The following S100Z variants were observed in gnomAD, a reference collection of about 807,000 sequenced individuals.
S100Z encodes the protein S100 calcium binding protein Z.
S100Z carries 11 observed loss-of-function variants against 8.5 expected under a neutral mutation model. That is an observed-to-expected ratio of 1.30 (90% CI 0.82 to 2.15). The LOEUF is 2.15. Among genes scored for constraint, S100Z ranks in the 30% most tolerant of loss-of-function variants. The pLI is 0.00. For missense variants in S100Z, 126 were observed against 117.9 expected (o/e 1.07, Z -0.32); for synonymous variants, 34 against 43.8 (o/e 0.78, Z 0.89).
the S100Z span, among the ~76,000 whole-genome samples, chr5:76,944,749 C>T: frequency 6.6e-6 from 1 of 152,186 alleles, no homozygotes; most frequent in Non-Finnish European, 1.5e-5. Flanking sequence ...GAATGAGGCT[C>T]TTTACACTTC....
chr5:76,882,989 T>C (rs1279415584), intron 4 of S100Z, among the ~76,000 whole-genome samples: 1 of 152,176 alleles, frequency 6.6e-6, no homozygotes, highest in Non-Finnish European at 1.5e-5. Context: ...GCGCAGATCC[T>C]GAACTAAGGT....
chr5:76,860,217 T>C (rs1029150265), intron 1 of S100Z, among the ~76,000 whole-genome samples: 5 of 152,064 alleles, frequency 3.3e-5, no homozygotes, highest in African/African-American at 4.8e-5. Flanking sequence ...CCGCTCCCAT[T>C]GTGGCCACCA....
At chr5:76,879,342 T>C (rs149015122) in intron 4 of S100Z, among the ~76,000 whole-genome samples, 99 of 152,264 alleles carry the variant, frequency 6.5e-4, no homozygotes, top group African/African-American at 2.4e-3. Context: ...GTCCTCTCAT[T>C]ATGTGGGGGG....
intron 4 of S100Z, among the ~76,000 whole-genome samples, chr5:76,888,181 C>T (rs879606360): frequency 1.3e-5 from 2 of 150,532 alleles, no homozygotes; most frequent in Non-Finnish European, 3.0e-5. Flanking sequence ...CGCTGGAACC[C>T]AGGAGGCAGA....
At chr5:76,864,574 T>C (rs1751199882) in intron 1 of S100Z, among the ~76,000 whole-genome samples, 1 of 151,330 alleles carries the variant, frequency 6.6e-6, no homozygotes, top group South Asian at 2.1e-4. Flanking sequence ...CAACTAATTT[T>C]TGTATTTTTA....
intron 4 of S100Z, among the ~76,000 whole-genome samples, chr5:76,919,364 G>A (rs1298161559): frequency 6.6e-6 from 1 of 152,164 alleles, no homozygotes; most frequent in Non-Finnish European, 1.5e-5. Context: ...TGTTATCAGT[G>A]TTTTGGATTT....
intron 1 of S100Z, among the ~76,000 whole-genome samples, chr5:76,863,731 G>A (rs1192932355): frequency 5.3e-5 from 8 of 152,014 alleles, no homozygotes; most frequent in Non-Finnish European, 8.8e-5. Flanking sequence ...GTAGAGACGG[G>A]GTTTCACCGT....
downstream of S100Z, among the ~76,000 whole-genome samples, chr5:76,924,912 C>CA (rs34845921): frequency 2.5e-4 from 36 of 144,912 alleles, no homozygotes; most frequent in East Asian, 2.1e-3. Context: ...GACTCTGTCT[C>CA]AAAAAAAAAA....
the S100Z span, among the ~76,000 whole-genome samples, chr5:76,931,891 G>C: frequency 1.3e-5 from 2 of 152,076 alleles, 1 homozygote; most frequent in South Asian, 4.2e-4. Context: ...ACACATAGGA[G>C]AGACAGAGGA....
intron 4 of S100Z, among the ~76,000 whole-genome samples, 182 bp from the exon 5 acceptor site, chr5:76,920,535 G>A (rs192534944): frequency 1.3e-5 from 2 of 152,308 alleles, no homozygotes; most frequent in East Asian, 1.9e-4. Context: ...ACAAGAAGCT[G>A]TACATCTGAC....
chr5:76,858,383 T>C (rs1750945002), intron 1 of S100Z, among the ~76,000 whole-genome samples: 1 of 151,900 alleles, frequency 6.6e-6, no homozygotes, highest in Non-Finnish European at 1.5e-5. Context: ...TTTAGCTGAG[T>C]GTGGTGGCAC....
chr5:76,907,434 G>A (rs762143298), intron 4 of S100Z, among the ~76,000 whole-genome samples: 1 of 152,036 alleles, frequency 6.6e-6, no homozygotes. Flanking sequence ...CTCCCAAGTA[G>A]CTGGGACTAC....
the S100Z span, among the ~76,000 whole-genome samples, chr5:76,952,545 CT>C: frequency 6.6e-6 from 1 of 152,228 alleles, no homozygotes; most frequent in East Asian, 1.9e-4. Context: ...TGTTCCACCT[CT>C]TTAAAGCTGA....
intron 3 of S100Z, among the ~76,000 whole-genome samples, chr5:76,877,013 C>T (rs1440601121): frequency 6.6e-6 from 1 of 152,146 alleles, no homozygotes; most frequent in Non-Finnish European, 1.5e-5. Context: ...TTGGGTGCCT[C>T]TCTTCTGTGT....
chr5:76,875,324 T>C lies in S100Z; in HGVS notation c.-36T>C, dbSNP rs1042152050. On this transcript the variant is annotated 5_prime_UTR_variant, in exon 3 of 5. Transcript: ENST00000317593. ...ACAAGTGTCTTCTCCCCGGGTTTGG[T>C]GGCCTGCTTCTGGAGTGGTCAGTTC... 2 of 1,581,890 alleles carry C rather than the reference T, an allele frequency of 1.3e-6. No homozygotes were observed. Among genetic ancestry groups the C allele is most frequent in the African/African-American group, 2.7e-5 (2 of 73,622 alleles).
the S100Z span, among the ~76,000 whole-genome samples, chr5:76,948,570 A>G: frequency 2.8e-3 from 420 of 152,338 alleles, 2 homozygotes; most frequent in Non-Finnish European, 4.5e-3. Context: ...CAACCAGTAT[A>G]TGAAAAGATG....
At chr5:76,918,145 G>T (rs1487227656) in intron 4 of S100Z, among the ~76,000 whole-genome samples, 1 of 152,126 alleles carries the variant, frequency 6.6e-6, no homozygotes, top group Admixed American at 6.6e-5. Context: ...TGCACGTGTT[G>T]TTTTTCCACA....
chr5:76,936,468 ATATTT>A, the S100Z span, among the ~76,000 whole-genome samples: 1 of 152,132 alleles, frequency 6.6e-6, no homozygotes, highest in African/African-American at 2.4e-5. Flanking sequence ...TTTTTTATTT[ATATTT>A]TAAACAATTT....
At chr5:76,925,475 C>G (rs181209176), downstream of S100Z, among the ~76,000 whole-genome samples, 2 of 152,300 alleles carry the variant, frequency 1.3e-5, no homozygotes, top group African/African-American at 4.8e-5. Context: ...ACCTGCCTGG[C>G]TCTTATCTCT....
Sources: allele counts gnomAD v4.1 joint callset (sites outside exome capture counted in the v4.1 genomes callset), GRCh38; gene constraint gnomAD v4.1.1; transcripts MANE v1.5; gene names NCBI Gene and HGNC (gene_info 2026-07-23, HGNC 2026-07-21).